DLG2: variants seen among roughly 807,000 people sequenced by gnomAD.
DLG2 encodes the protein discs large MAGUK scaffold protein 2.
In DLG2, 45 loss-of-function variants were observed where a neutral mutation model predicts 132.5. The observed-to-expected ratio is 0.34, with a 90% CI of 0.27 to 0.44. The LOEUF is 0.44. Ranked by LOEUF, DLG2 falls within the 20% of genes least tolerant of loss-of-function variation. The probability of loss-of-function intolerance (pLI) is 1.00; values close to 1 mark genes in which losing one functional copy is unlikely to be tolerated. For missense variants in DLG2, 1,045 were observed against 1,196.9 expected (o/e 0.87, Z 1.87); for synonymous variants, 424 against 419.6 (o/e 1.01, Z -0.13).
chr11:85,209,730 A>G (rs544354511), intron 4 of DLG2, among the ~76,000 whole-genome samples: 1 of 151,430 alleles, frequency 6.6e-6, no homozygotes, highest in Non-Finnish European at 1.5e-5. Flanking sequence ...ATGAGCCACC[A>G]TAACCAGCCT....
chr11:84,031,089 GA>G (rs959558600), intron 11 of DLG2, among the ~76,000 whole-genome samples: 3 of 152,012 alleles, frequency 2.0e-5, no homozygotes, highest in Non-Finnish European at 4.4e-5. Context: ...GATGAACCCA[GA>G]AAAGCCCCAG....
In DLG2 at chr11:84,640,111, A is replaced by G. The variant is rs2099654509; in HGVS notation, c.358-105380T>C. On this transcript the variant is annotated intron_variant, in intron 6 of 27. Transcript: ENST00000376104. ...GGAACCCTGTGAAGGGACTTCTGTC[A>G]TATCAATGTAGAACTCAGTCTCCTT... 2.6e-5 allele frequency: 8 copies of G among 311,558 alleles called. No individual in the cohort carries two copies. The Admixed American group carries it at 2.6e-4, about 10-fold the overall frequency. The allele number at this position is 311,558 out of a possible 1,614,324, so 19.3% of individuals were successfully genotyped here.
chr11:84,615,383 G>A (rs1203990608), intron 6 of DLG2, among the ~76,000 whole-genome samples: 1 of 151,998 alleles, frequency 6.6e-6, no homozygotes, highest in Non-Finnish European at 1.5e-5. Context: ...ACTAATTACT[G>A]CTCTTGGTCA....
intron 11 of DLG2, among the ~76,000 whole-genome samples, chr11:83,986,620 C>T (rs1163787125): frequency 4.0e-5 from 6 of 150,404 alleles, no homozygotes; most frequent in East Asian, 2.0e-4. Flanking sequence ...TTCTAGATCC[C>T]TGAGGAATCG....
chr11:84,741,770 G>A (rs1447529229), intron 6 of DLG2, among the ~76,000 whole-genome samples: 1 of 151,782 alleles, frequency 6.6e-6, no homozygotes, highest in Non-Finnish European at 1.5e-5. Flanking sequence ...AAGGAAACAT[G>A]GTATCTCTAA....
At chr11:83,854,347 TA>T (rs1267647192) in intron 16 of DLG2, among the ~76,000 whole-genome samples, 1 of 152,132 alleles carries the variant, frequency 6.6e-6, no homozygotes, top group Non-Finnish European at 1.5e-5. Flanking sequence ...ATCAAAATCC[TA>T]GCAAGTTATT....
intron 7 of DLG2, among the ~76,000 whole-genome samples, chr11:84,319,965 C>T (rs190759018): frequency 6.6e-6 from 1 of 152,210 alleles, no homozygotes; most frequent in Admixed American, 6.5e-5. Flanking sequence ...GAGGACAGCC[C>T]ACTTAAACAG....
intron 21 of DLG2, among the ~76,000 whole-genome samples, chr11:83,498,875 A>ATAT (rs943163421): frequency 6.6e-6 from 1 of 152,024 alleles, no homozygotes; most frequent in Non-Finnish European, 1.5e-5. Context: ...AAAAGAAGAG[A>ATAT]TATTATTATT....
intron 19 of DLG2, among the ~76,000 whole-genome samples, chr11:83,570,015 T>A (rs969301777): frequency 6.6e-6 from 1 of 152,212 alleles, no homozygotes; most frequent in Non-Finnish European, 1.5e-5. Context: ...ATCTGCCTTG[T>A]CTGTAAAAAA....
intron 3 of DLG2, among the ~76,000 whole-genome samples, chr11:85,444,157 T>C (rs1417073101): frequency 6.6e-6 from 1 of 152,198 alleles, no homozygotes; most frequent in Non-Finnish European, 1.5e-5. Flanking sequence ...TGGAAAATTT[T>C]AACTCCAACT....
chr11:84,621,513 C>A (rs1323818062), intron 6 of DLG2, among the ~76,000 whole-genome samples: 1 of 152,144 alleles, frequency 6.6e-6, no homozygotes, highest in Non-Finnish European at 1.5e-5. Flanking sequence ...ATGTACGCCT[C>A]ATTTGTTCAC....
intron 6 of DLG2, among the ~76,000 whole-genome samples, chr11:84,817,892 A>G (rs1385119773): frequency 6.6e-6 from 1 of 151,986 alleles, no homozygotes; most frequent in Non-Finnish European, 1.5e-5. Context: ...AATTCAGTGG[A>G]CAATAGGAAG....
At chr11:84,585,941 C>T (rs1463368674) in intron 6 of DLG2, among the ~76,000 whole-genome samples, 2 of 152,118 alleles carry the variant, frequency 1.3e-5, no homozygotes, top group Non-Finnish European at 2.9e-5. Context: ...CACTTGAGGC[C>T]AAGAGTTTGA....
intron 3 of DLG2, among the ~76,000 whole-genome samples, chr11:85,505,376 T>C (rs2093905893): frequency 1.3e-5 from 2 of 152,214 alleles, no homozygotes; most frequent in East Asian, 1.9e-4. Flanking sequence ...AGAGGTCTTA[T>C]TATTTTGAGA....
chr11:85,098,844 T>C (rs1443439885), intron 6 of DLG2, among the ~76,000 whole-genome samples: 2 of 152,324 alleles, frequency 1.3e-5, no homozygotes, highest in South Asian at 2.1e-4. Context: ...GATGAAAATA[T>C]ATGGACCAGC....
At chr11:83,830,299 T>C (rs1264208981) in intron 17 of DLG2, among the ~76,000 whole-genome samples, 1 of 152,226 alleles carries the variant, frequency 6.6e-6, no homozygotes, top group African/African-American at 2.4e-5. Flanking sequence ...GTAATAATAT[T>C]TAAATGGATA....
chr11:85,156,548 G>A (rs756071778), intron 4 of DLG2, among the ~76,000 whole-genome samples: 10 of 152,012 alleles, frequency 6.6e-5, no homozygotes, highest in Non-Finnish European at 1.0e-4. Context: ...CCCTCTTTGG[G>A]CCACTCCTCT....
intron 6 of DLG2, among the ~76,000 whole-genome samples, chr11:84,708,601 T>G (rs1316462355): frequency 6.6e-6 from 1 of 151,852 alleles, no homozygotes; most frequent in Admixed American, 6.6e-5. Flanking sequence ...GGAAGATGCT[T>G]GCTCTCCCTT....
intron 6 of DLG2, among the ~76,000 whole-genome samples, chr11:85,088,934 C>T (rs2068342214): frequency 2.6e-5 from 4 of 152,136 alleles, no homozygotes. Context: ...ACAAAATCAG[C>T]TTAAATAGCT....
Sources: allele counts gnomAD v4.1 joint callset (sites outside exome capture counted in the v4.1 genomes callset), GRCh38; gene constraint gnomAD v4.1.1; transcripts MANE v1.5; gene names NCBI Gene and HGNC (gene_info 2026-07-23, HGNC 2026-07-21).